Variants in HIP1 observed in about 807,000 individuals in gnomAD.
The protein encoded by HIP1 is huntingtin-interacting protein 1.
In HIP1, 65 loss-of-function variants were observed where a neutral mutation model predicts 147.6. The ratio of observed to expected loss-of-function variants is 0.44; its 90% confidence interval spans 0.36 to 0.54. HIP1 has a LOEUF of 0.54. Among genes scored for constraint, HIP1 ranks in the 20% least tolerant of loss-of-function variants. The pLI, the probability that HIP1 is intolerant of heterozygous loss-of-function variation, is 0.00. For synonymous variants in HIP1, 479 were observed against 504.0 expected (o/e 0.95, Z 0.67); for missense variants, 1,061 against 1,299.6 (o/e 0.82, Z 2.82).
At chr7:75,708,627 T>A (rs942123705) in intron 1 of HIP1, among the ~76,000 whole-genome samples, 1 of 152,174 alleles carries the variant, frequency 6.6e-6, no homozygotes, top group African/African-American at 2.4e-5. Flanking sequence ...CCTCATTGAA[T>A]GGCCTTGGCA....
intron 1 of HIP1, among the ~76,000 whole-genome samples, chr7:75,705,947 A>G (rs1003447527): frequency 1.3e-5 from 2 of 151,990 alleles, no homozygotes; most frequent in Non-Finnish European, 2.9e-5. Context: ...GCAGGAGTGC[A>G]GTGGCGCGAT....
intron 1 of HIP1, among the ~76,000 whole-genome samples, chr7:75,616,634 G>A (rs1265610413): frequency 7.2e-6 from 1 of 139,544 alleles, no homozygotes; most frequent in Non-Finnish European, 1.6e-5. Flanking sequence ...GGACGAGGAG[G>A]AGGAAGAAAT....
intron 1 of HIP1, among the ~76,000 whole-genome samples, chr7:75,679,937 G>A (rs781980913): frequency 5.9e-5 from 9 of 152,038 alleles, no homozygotes; most frequent in Non-Finnish European, 7.4e-5. Flanking sequence ...TCCTTCTTTC[G>A]GCTGCAGACA....
chr7:75,592,845 C>T (rs587746173), intron 2 of HIP1, among the ~76,000 whole-genome samples: 2 of 152,258 alleles, frequency 1.3e-5, no homozygotes, highest in South Asian at 4.1e-4. Flanking sequence ...GAGATGTAAG[C>T]GTCTTGAGAG....
At chr7:75,581,178 G>A in intron 7 of HIP1, 59 bp downstream of exon 7, 1 of 1,283,522 alleles carries the variant, frequency 7.8e-7, no homozygotes, top group Admixed American at 1.8e-5. Flanking sequence ...GGGAGAGGAG[G>A]ACTAGGAATT....
At chr7:75,679,078 C>T (rs1799982096) in intron 1 of HIP1, among the ~76,000 whole-genome samples, 1 of 149,422 alleles carries the variant, frequency 6.7e-6, no homozygotes, top group Non-Finnish European at 1.5e-5. Flanking sequence ...CCATCTTCAA[C>T]CTCACACTCT....
chr7:75,652,676 A>G (rs1349411286), intron 1 of HIP1, among the ~76,000 whole-genome samples: 2 of 151,802 alleles, frequency 1.3e-5, no homozygotes, highest in African/African-American at 2.4e-5. Flanking sequence ...CATGTTAATT[A>G]TTACTGTTAG....
chr7:75,693,922 T>TTTTC lies in HIP1; in HGVS notation c.120+44878_120+44879insGAAA, dbSNP rs1319156069. The stretch of plus-strand genomic sequence containing the variant: ...CAGAACTATCCAATTCTCTTTTCTT[T>TTTTC]TTTTTTTTTTTTTTTGAGATGGAGT... On this transcript the variant is annotated intron_variant, in intron 1 of 30. Transcript: ENST00000336926. 3.7e-4 allele frequency among the ~76,000 whole-genome samples: 53 copies of TTTTC among 142,178 alleles called. 1 individual carries two copies. The highest frequency in any genetic ancestry group is 1.3e-3 in the African/African-American group (49 of 38,114). 93.3% of individuals were successfully genotyped at this position (142,178 alleles called of 152,430 possible).
Position 75,536,612 on chromosome 7 carries a change from T to C in HIP1, c.*1560A>G, listed in dbSNP as rs1421387025. 8.7e-6 allele frequency: 2 copies of C among 230,400 alleles called. No homozygotes were observed. The highest frequency in any genetic ancestry group is 4.4e-5 in the African/African-American group (2 of 45,168). 14.3% of individuals were successfully genotyped at this position (230,400 alleles called of 1,614,324 possible). A position where few individuals can be genotyped will look rare whatever the true frequency, so the allele number is the denominator to read the frequency against. ...TGGCAAGCTGTTCATGTGCCCTCTGTCCTCATCCTGTCCACAGGGCAGCGA... is the reference window on the plus strand; with the variant it reads ...TGGCAAGCTGTTCATGTGCCCTCTGCCCTCATCCTGTCCACAGGGCAGCGA... On this transcript the variant is annotated 3_prime_UTR_variant, in exon 31 of 31. Transcript: ENST00000336926.
At chr7:75,735,201 A>G (rs1032647086) in intron 1 of HIP1, among the ~76,000 whole-genome samples, 2 of 152,200 alleles carry the variant, frequency 1.3e-5, no homozygotes, top group African/African-American at 4.8e-5. Context: ...CACAAGGCCC[A>G]TGTACATGCC....
intron 1 of HIP1, among the ~76,000 whole-genome samples, chr7:75,619,196 G>T (rs1479757301): frequency 1.3e-5 from 2 of 152,120 alleles, no homozygotes; most frequent in East Asian, 3.8e-4. Flanking sequence ...GAAGAACATT[G>T]TATGTCAGAG....
chr7:75,587,010 G>A (rs1554499772), intron 4 of HIP1, among the ~76,000 whole-genome samples, 177 bp from the exon 5 acceptor site: 3 of 151,982 alleles, frequency 2.0e-5, no homozygotes, highest in East Asian at 1.9e-4. Flanking sequence ...GCATGATCTC[G>A]GCTCACTGCA....
At chr7:75,639,430 G>T (rs1420197772) in intron 1 of HIP1, among the ~76,000 whole-genome samples, 1 of 151,688 alleles carries the variant, frequency 6.6e-6, no homozygotes, top group Non-Finnish European at 1.5e-5. Flanking sequence ...CGGGTTCCCG[G>T]GCCAGATCCC....
At chr7:75,632,689 T>G (rs935957988) in intron 1 of HIP1, among the ~76,000 whole-genome samples, 1 of 151,952 alleles carries the variant, frequency 6.6e-6, no homozygotes, top group Non-Finnish European at 1.5e-5. Context: ...TGAGCCACTG[T>G]GCCTGGCCAA....
chr7:75,542,609 G>C (rs1554490147), intron 28 of HIP1, among the ~76,000 whole-genome samples: 1 of 152,120 alleles, frequency 6.6e-6, no homozygotes, highest in Non-Finnish European at 1.5e-5. Flanking sequence ...TGAGGCAGGA[G>C]AATCGTGTGA....
chr7:75,557,108 A>G (rs1419462000), intron 16 of HIP1, among the ~76,000 whole-genome samples: 1 of 151,662 alleles, frequency 6.6e-6, no homozygotes, highest in African/African-American at 2.4e-5. Context: ...GTGCAGTCTC[A>G]GCTCACTGCA....
At chr7:75,559,508 G>A (rs1795141192) in intron 14 of HIP1, among the ~76,000 whole-genome samples, 1 of 152,170 alleles carries the variant, frequency 6.6e-6, no homozygotes, top group African/African-American at 2.4e-5. Context: ...GCTGTCTTCT[G>A]TATTTCCCAT....
chr7:75,726,663 A>T lies in HIP1; in HGVS notation c.120+12138T>A, dbSNP rs145872896. 3.4e-5 allele frequency among the ~76,000 whole-genome samples: 5 copies of T among 145,994 alleles called. No individual in the cohort carries two copies. In the East Asian group the frequency reaches 1.0e-3, roughly 29 times the overall value. ...TTTTTTAATATTTTTAATTTCAGCC[A>T]TCCTGATGGGCATGTAGAGGTATCT... On this transcript the variant is annotated intron_variant, in intron 1 of 30. Transcript: ENST00000336926.
chr7:75,711,490 T>C (rs891605496), intron 1 of HIP1, among the ~76,000 whole-genome samples: 1 of 152,160 alleles, frequency 6.6e-6, no homozygotes. Flanking sequence ...AAAAGAGCCA[T>C]GTAGTTTCTC....
Sources: allele counts gnomAD v4.1 joint callset (sites outside exome capture counted in the v4.1 genomes callset), GRCh38; gene constraint gnomAD v4.1.1; transcripts MANE v1.5; gene names NCBI Gene and HGNC (gene_info 2026-07-23, HGNC 2026-07-21).